The following UNC80 variants were observed in gnomAD, a reference collection of about 807,000 sequenced individuals.
UNC80 encodes protein unc-80 homolog.
In UNC80, 164 loss-of-function variants were observed where a neutral mutation model predicts 384.6. The ratio of observed to expected loss-of-function variants is 0.43; its 90% confidence interval spans 0.38 to 0.49. The LOEUF (loss-of-function observed/expected upper bound fraction) is 0.49. UNC80 is among the 20% of genes least tolerant of loss of function. The pLI is 0.00. For missense variants in UNC80, 3,330 were observed against 4,143.0 expected, an observed-to-expected ratio of 0.80 and a Z score of 5.39; for synonymous variants, 1,486 against 1,527.8, an observed-to-expected ratio of 0.97 and a Z score of 0.64.
intron 47 of UNC80, among the ~76,000 whole-genome samples, chr2:209,952,642 A>C (rs1340127359): frequency 6.6e-6 from 1 of 152,186 alleles, no homozygotes; most frequent in Non-Finnish European, 1.5e-5. Context: ...CAATGGCTGG[A>C]TGAACTGAAG....
chr2:209,829,871 A>C (rs936499644), intron 15 of UNC80, among the ~76,000 whole-genome samples: 1 of 152,236 alleles, frequency 6.6e-6, no homozygotes, highest in Non-Finnish European at 1.5e-5. Context: ...TGACACACAC[A>C]TACTTAATTT....
At chr2:209,858,809 A>G (rs1210156362) in intron 22 of UNC80, among the ~76,000 whole-genome samples, 1 of 152,038 alleles carries the variant, frequency 6.6e-6, no homozygotes, top group South Asian at 2.1e-4. Flanking sequence ...GATTACTGAC[A>G]TATTTAGATT....
At chr2:209,879,629 AG>A (rs1473857205) in intron 24 of UNC80, among the ~76,000 whole-genome samples, 1 of 152,204 alleles carries the variant, frequency 6.6e-6, no homozygotes, top group Non-Finnish European at 1.5e-5. Context: ...TTTTTTAAAA[AG>A]TGTTGCATAT....
chr2:209,922,436 C>T, intron 35 of UNC80, 53 bp downstream of exon 35: 1 of 1,517,908 alleles, frequency 6.6e-7, no homozygotes. Context: ...TTTTGAAACA[C>T]TTTCCAGTTA....
rs1393529083 is a variant in UNC80, at chr2:209,877,977, G to C, written c.3864G>C (p.Glu1288Asp). 6.5e-7 allele frequency: 1 copy of C among 1,539,466 alleles called. No individual in the cohort carries two copies. Among genetic ancestry groups the C allele is most frequent in the East Asian group, 2.5e-5 (1 of 40,050 alleles). Residue 1288 changes from glutamate (E) to aspartate (D), a missense_variant, in exon 24 of 65, where the codon GAG (glutamate) becomes GAC (aspartate). By Grantham distance (45) the Glu-to-Asp change is conservative. This residue lies in a region of UNC80 where 801 missense variants were observed against 950.8 expected (regional missense o/e 0.84). Coordinates refer to ENST00000673920, the MANE Select transcript of UNC80 (RefSeq NM_001371986.1). Reference sequence around the variant, plus strand: ...AGGCAATTGGCGTCCGATTGAATGAGCTGTGCCACGGGGAAAGTGAGAGCC... The same window carrying C: ...AGGCAATTGGCGTCCGATTGAATGACCTGTGCCACGGGGAAAGTGAGAGCC... Reference protein sequence around the residue: ...WGDAIGVRLNELCHGESESPA... With the variant: ...WGDAIGVRLNDLCHGESESPA...
chr2:209,866,521 CACACACACACACAGAGAGAG>C (rs1559226908), intron 22 of UNC80, among the ~76,000 whole-genome samples: 2,218 of 142,288 alleles, frequency 0.016, 68 homozygotes, highest in African/African-American at 0.057. Flanking sequence ...CACACACACA[CACACACACACACAGAGAGAG>C]AGAGAGAGAG....
In UNC80 at chr2:209,771,843, C is replaced by T. The variant is rs995355430; in HGVS notation, c.-230C>T. On this transcript the variant is annotated 5_prime_UTR_variant, in exon 1 of 65. Transcript: ENST00000673920. ...CGAGGCGGACCGCTGCTCCGAGCGC[C>T]CCCCTCCTCGCTCCGCGGCTCCTCC... The T allele has an allele frequency of 1.9e-6, 1 of 539,816 alleles. No homozygotes were observed. Among genetic ancestry groups the T allele is most frequent in the African/African-American group, 2.0e-5 (1 of 49,608 alleles). The allele number at this position is 539,816 out of a possible 1,614,324, so 33.4% of individuals were successfully genotyped here.
intron 61 of UNC80, among the ~76,000 whole-genome samples, chr2:209,986,088 G>T (rs1039098010): frequency 6.6e-6 from 1 of 152,178 alleles, no homozygotes; most frequent in African/African-American, 2.4e-5. Context: ...AGCTTTGGGG[G>T]CAAGGAGGAA....
intron 27 of UNC80, among the ~76,000 whole-genome samples, chr2:209,894,687 A>C (rs1389784182): frequency 6.6e-6 from 1 of 152,206 alleles, no homozygotes; most frequent in Admixed American, 6.5e-5. Context: ...CGACACTTTG[A>C]GCAGCAAGGA....
intron 7 of UNC80, among the ~76,000 whole-genome samples, chr2:209,805,638 A>G (rs1242337957): frequency 6.6e-6 from 1 of 152,224 alleles, no homozygotes; most frequent in Non-Finnish European, 1.5e-5. Context: ...ATAACATAGA[A>G]TCTGGTTTCC....
chr2:209,776,235 C>T (rs966469485), intron 3 of UNC80, among the ~76,000 whole-genome samples, 190 bp downstream of exon 3: 4 of 152,172 alleles, frequency 2.6e-5, no homozygotes, highest in Non-Finnish European at 4.4e-5. Context: ...AACTGGCTGT[C>T]TTGTTTTTAA....
intron 23 of UNC80, among the ~76,000 whole-genome samples, chr2:209,873,778 C>T: frequency 6.6e-6 from 1 of 152,132 alleles, no homozygotes; most frequent in East Asian, 1.9e-4. Flanking sequence ...ATGTGTCTAC[C>T]AATGTGCTTA....
chr2:209,901,647 C>A (rs915201030), intron 28 of UNC80, among the ~76,000 whole-genome samples: 20 of 152,134 alleles, frequency 1.3e-4, no homozygotes, highest in Non-Finnish European at 2.9e-4. Context: ...CATTTTGTGG[C>A]CAGGTGTGGT....
chr2:209,792,399 G>A (rs1339020822), intron 6 of UNC80, among the ~76,000 whole-genome samples: 1 of 152,232 alleles, frequency 6.6e-6, no homozygotes, highest in African/African-American at 2.4e-5. Flanking sequence ...CCAGGCTGGA[G>A]TGCAGTGGCG....
chr2:209,816,835 A>G (rs1426115069), intron 9 of UNC80, 74 bp from the exon 10 acceptor site: 2 of 1,379,692 alleles, frequency 1.4e-6, no homozygotes, highest in Non-Finnish European at 2.0e-6. Context: ...ACTGCAGATC[A>G]TGGAGCCCCT....
chr2:209,889,745 G>A (rs528320426), intron 26 of UNC80, among the ~76,000 whole-genome samples: 5 of 152,246 alleles, frequency 3.3e-5, no homozygotes, highest in African/African-American at 1.2e-4. Context: ...TGCAGTGTTT[G>A]TTTTCTGTTC....
Position 209,992,244 on chromosome 2 carries a change from G to A in UNC80, c.9393G>A (p.Arg3131=), listed in dbSNP as rs745441911. 3.2e-6 allele frequency: 5 copies of A among 1,551,340 alleles called. No homozygotes were observed. Among genetic ancestry groups the A allele is most frequent in the South Asian group, 2.4e-5 (2 of 84,062 alleles). The change falls in exon 62 of 65, where the codon AGG becomes AGA. Residue 3131 remains arginine (R), a synonymous_variant. Transcript: ENST00000673920. ...CGCTGGGGAGGAAGAGGGGCCTGAGGCAGGTAAGTAGACCCTTAAAGCGCA... is the reference window on the plus strand; with the variant it reads ...CGCTGGGGAGGAAGAGGGGCCTGAGACAGGTAAGTAGACCCTTAAAGCGCA... ...QQPLGRKRGL[R]QLRRPLLSRQ...
chr2:209,946,399 A>G (rs28370507), intron 47 of UNC80, among the ~76,000 whole-genome samples: 1 of 151,980 alleles, frequency 6.6e-6, no homozygotes, highest in Admixed American at 6.6e-5. Context: ...AAGAAAAAAG[A>G]AAAGGAAAGA....
intron 54 of UNC80, among the ~76,000 whole-genome samples, chr2:209,971,953 G>A (rs1290371533): frequency 6.6e-6 from 1 of 152,142 alleles, no homozygotes; most frequent in African/African-American, 2.4e-5. Context: ...CTGACCATAA[G>A]TATTCTAATT....
Sources: gnomAD v4.1 joint callset for allele counts (sites outside exome capture counted in the v4.1 genomes callset) on GRCh38, gnomAD v4.1.1 for gene constraint, gnomAD v4.1.1 regional missense constraint, MANE v1.5 for transcripts, NCBI Gene and HGNC (gene_info 2026-07-23, HGNC 2026-07-21) for gene names.